Variants in AK3 observed in about 807,000 individuals in gnomAD.
The protein encoded by AK3 is adenylate kinase 3, also known as GTP:AMP phosphotransferase AK3, mitochondrial.
In AK3, 27 loss-of-function variants were observed where a neutral mutation model predicts 23.7. The ratio of observed to expected loss-of-function variants is 1.14; its 90% CI spans 0.84 to 1.57. AK3 has a LOEUF of 1.57. Ranked by LOEUF, AK3 falls within the 40% of genes most tolerant of loss-of-function variation. The pLI is 0.00. For synonymous variants in AK3, 159 were observed against 116.0 expected (o/e 1.37, Z -2.38); for missense variants, 406 against 285.6 (o/e 1.42, Z -3.04).
chr9:4,718,542 A>C lies in AK3; in HGVS notation c.445-5T>G. 1 of 1,588,910 alleles carries C rather than the reference A, an allele frequency of 6.3e-7. No individual in the cohort carries two copies. The highest frequency in any genetic ancestry group is 8.6e-7 in the Non-Finnish European group (1 of 1,157,360). ...CCCAGTCAGGTCATCAATGCCCTAA[A>C]CAGGATTAGAAGAGACTAGTATCAG... On this transcript the variant is annotated splice_region_variant and splice_polypyrimidine_tract_variant and intron_variant, in intron 3 of 4. Coordinates refer to ENST00000381809, the MANE Select transcript of AK3 (RefSeq NM_016282.4).
intron 4 of AK3, 117 bp downstream of exon 4, chr9:4,718,302 A>C: frequency 1.3e-6 from 1 of 752,550 alleles, no homozygotes. Context: ...TTTATTACTT[A>C]AGCCCATGTG....
chr9:4,735,426 A>AATATATACATAGTATATGTGTGT (rs1842263812), intron 1 of AK3, among the ~76,000 whole-genome samples: 1 of 97,740 alleles, frequency 1.0e-5, no homozygotes, highest in African/African-American at 4.7e-5. Flanking sequence ...TACATATATA[A>AATATATACATAGTATATGTGTGT]ATATATATAT....
chr9:4,718,386 A>G (rs1563784607), intron 4 of AK3, 33 bp downstream of exon 4: 1 of 1,495,488 alleles, frequency 6.7e-7, no homozygotes, highest in Non-Finnish European at 9.3e-7. Context: ...GTGCACCACT[A>G]CGCAAGAGAA....
chr9:4,725,569 G>C (rs1488419285), intron 1 of AK3, among the ~76,000 whole-genome samples: 1 of 151,888 alleles, frequency 6.6e-6, no homozygotes, highest in Non-Finnish European at 1.5e-5. Flanking sequence ...AGGAGTTCGA[G>C]ACCAGCCTGG....
intron 4 of AK3, among the ~76,000 whole-genome samples, chr9:4,713,995 C>T (rs902586828): frequency 7.4e-5 from 11 of 148,298 alleles, no homozygotes; most frequent in South Asian, 2.1e-4. Flanking sequence ...TACACATATA[C>T]GCCTACACAT....
chr9:4,715,379 C>T (rs181067474), intron 4 of AK3, among the ~76,000 whole-genome samples: 1 of 148,884 alleles, frequency 6.7e-6, no homozygotes, highest in African/African-American at 2.5e-5. Flanking sequence ...CTTTCCTTAA[C>T]TTCCCTTACT....
chr9:4,739,923 T>TAC lies in AK3; in HGVS notation c.151+1012_151+1013dup, dbSNP rs551065282. Among the ~76,000 whole-genome samples the TAC allele has an allele frequency of 1.4e-3, 211 of 151,944 alleles. 2 individuals carry two copies. The highest frequency in any genetic ancestry group is 4.8e-3 in the African/African-American group (198 of 41,438). ...ACCAAAAAGAAAAAAAGAAAAAAGG[T>TAC]ACACGTATCTGCGCTTAAAAAGTAA... On this transcript the variant is annotated intron_variant, in intron 1 of 4. Coordinates refer to ENST00000381809, the MANE Select transcript of AK3 (RefSeq NM_016282.4).
intron 2 of AK3, among the ~76,000 whole-genome samples, chr9:4,719,837 G>C (rs1212011547): frequency 6.6e-6 from 1 of 152,132 alleles, no homozygotes; most frequent in South Asian, 2.1e-4. Context: ...AGGCTGAGGA[G>C]GGCGGATCAC....
rs529664191 is a variant in AK3 at position 4,716,667 on chromosome 9, G to A, written c.563+1752C>T. On this transcript the variant is annotated intron_variant, in intron 4 of 4. Transcript: ENST00000381809. ...TTTGAAAGGCCAGGCATGGTGGCTC[G>A]TACCTGTAATCCCAATGTTTTGGGA... Among the ~76,000 whole-genome samples, 9 of 152,270 alleles carry A rather than the reference G, an allele frequency of 5.9e-5. No individual in the cohort carries two copies. The South Asian group carries it at 8.3e-4, about 14-fold the overall frequency.
At chr9:4,718,250 A>G (rs1374231558) in intron 4 of AK3, among the ~76,000 whole-genome samples, 169 bp downstream of exon 4, 4 of 152,206 alleles carry the variant, frequency 2.6e-5, no homozygotes, top group South Asian at 2.1e-4. Flanking sequence ...CTGAAGCCCA[A>G]CCTACCTTCT....
chr9:4,741,883 C>T (rs3808857), upstream of AK3: 12,649 of 152,348 alleles, frequency 0.083, 633 homozygotes, highest in South Asian at 0.21. Context: ...TCCCTCCTTC[C>T]TCCTCCTCCT....
chr9:4,740,969 T>TCCC lies in AK3; in HGVS notation c.116_118dup (p.Gly39dup). ...CCGCAGCATGTTGTCCCGGAGCAGG[T>TCCC]CCCCGCTGGAGAGGTGCTTCAGCTC... On this transcript the variant is annotated inframe_insertion, in exon 1 of 5. Transcript: ENST00000381809. 6.3e-7 allele frequency: 1 copy of TCCC among 1,583,520 alleles called. No homozygotes were observed. Among genetic ancestry groups the TCCC allele is most frequent in the Non-Finnish European group, 8.6e-7 (1 of 1,167,212 alleles).
chr9:4,741,028 C>A lies in AK3; in HGVS notation c.60G>T (p.Lys20Asn). The A allele has an allele frequency of 6.3e-7, 1 of 1,584,806 alleles. No homozygotes were observed. Residue 20 changes from lysine to asparagine, a missense_variant, in exon 1 of 5, where the codon AAG (lysine) becomes AAT (asparagine). By Grantham distance (94) the Lys-to-Asn change is moderately conservative. Transcript: ENST00000381809. ...TAGTGATGCGCGACGACACGGTGCC[C>A]TTGCCCGAGCCCGGGGCCCCCATGA... ...AVIMGAPGSG[K>N]GTVSSRITTH... is the part of the protein sequence containing the mutation.
At chr9:4,721,583 C>T (rs1347122281) in intron 2 of AK3, among the ~76,000 whole-genome samples, 3 of 151,906 alleles carry the variant, frequency 2.0e-5, no homozygotes, top group Non-Finnish European at 2.9e-5. Context: ...CTCAGCCTCC[C>T]GAGTAGCTAG....
intron 1 of AK3, among the ~76,000 whole-genome samples, chr9:4,738,347 G>C (rs1329839428): frequency 6.6e-6 from 1 of 152,050 alleles, no homozygotes; most frequent in African/African-American, 2.4e-5. Flanking sequence ...TGTATTTTTA[G>C]TAGAGACAGG....
chr9:4,721,909 G>A (rs1841907593), intron 2 of AK3, among the ~76,000 whole-genome samples: 1 of 151,740 alleles, frequency 6.6e-6, no homozygotes, highest in Non-Finnish European at 1.5e-5. Flanking sequence ...AGTCAGGGCT[G>A]CAGGGCTTGG....
intron 1 of AK3, among the ~76,000 whole-genome samples, chr9:4,726,172 G>A (rs1445636594): frequency 6.6e-6 from 1 of 152,178 alleles, no homozygotes; most frequent in East Asian, 1.9e-4. Flanking sequence ...GGAGGGTCTT[G>A]CCTCCATGGC....
intron 1 of AK3, among the ~76,000 whole-genome samples, chr9:4,736,542 G>T (rs1166498105): frequency 6.6e-6 from 1 of 151,696 alleles, no homozygotes; most frequent in Non-Finnish European, 1.5e-5. Flanking sequence ...TGTGCCACAG[G>T]TGTACATAAT....
chr9:4,733,605 TCTC>T lies in AK3; in HGVS notation c.151+7329_151+7331del, dbSNP rs1311368378. Reference sequence around the variant, plus strand: ...CTCCCGCTCACCATCACTCAATCTCTCTCCTCTTCAGTGAAGCATCCAGAAAGA... The same window carrying T: ...CTCCCGCTCACCATCACTCAATCTCTCTCTTCAGTGAAGCATCCAGAAAGA... On this transcript the variant is annotated intron_variant, in intron 1 of 4. Transcript: ENST00000381809. Among the ~76,000 whole-genome samples, 8 of 152,344 alleles carry T rather than the reference TCTC, an allele frequency of 5.3e-5. No homozygotes were observed. The East Asian group carries it at 1.5e-3, about 29-fold the overall frequency.
Sources: allele counts gnomAD v4.1 joint callset (sites outside exome capture counted in the v4.1 genomes callset), GRCh38; gene constraint gnomAD v4.1.1; transcripts MANE v1.5; gene names NCBI Gene and HGNC (gene_info 2026-07-23, HGNC 2026-07-21).